SHISA9: variants seen among roughly 807,000 people sequenced by gnomAD.
The protein encoded by SHISA9 is shisa family member 9.
SHISA9 carries 13 observed loss-of-function variants against 38.0 expected under a neutral mutation model. The observed-to-expected ratio is 0.34, with a 90% CI of 0.22 to 0.54. SHISA9 has a LOEUF of 0.54. Ranked by LOEUF, SHISA9 falls within the 20% of genes least tolerant of loss-of-function variation. SHISA9 has a pLI of 0.91. For missense variants in SHISA9, 538 were observed against 575.8 expected, an observed-to-expected ratio of 0.93 and a Z score of 0.67; for synonymous variants, 275 against 242.0, an observed-to-expected ratio of 1.14 and a Z score of -1.27.
chr16:12,921,645 C>G lies in SHISA9; in HGVS notation c.691+4830C>G, dbSNP rs144592016. On this transcript the variant is annotated intron_variant, in intron 2 of 4. Coordinates refer to ENST00000558583, the MANE Select transcript of SHISA9 (RefSeq NM_001145204.3). ...AAGTAATTGGGCATGGTAGTTCACACCAGTAGTGACAGCTAGTTGGGAGGC... is the reference window on the plus strand; with the variant it reads ...AAGTAATTGGGCATGGTAGTTCACAGCAGTAGTGACAGCTAGTTGGGAGGC... Among the ~76,000 whole-genome samples the G allele has an allele frequency of 1.8e-4, 28 of 152,168 alleles. No homozygotes were observed. In the East Asian group the frequency reaches 5.2e-3, roughly 28 times the overall value.
chr16:12,977,733 C>T (rs1317716125), intron 2 of SHISA9, among the ~76,000 whole-genome samples: 1 of 151,920 alleles, frequency 6.6e-6, no homozygotes, highest in African/African-American at 2.4e-5. Flanking sequence ...AACCAAACAC[C>T]GCATGGTCTC....
the SHISA9 span, among the ~76,000 whole-genome samples, chr16:13,288,109 G>A: frequency 6.6e-6 from 1 of 152,122 alleles, no homozygotes; most frequent in South Asian, 2.1e-4. Flanking sequence ...GGTGGCCAAG[G>A]TGATAATGAC....
At chr16:13,402,230 A>G in the SHISA9 span, among the ~76,000 whole-genome samples, 1 of 152,198 alleles carries the variant, frequency 6.6e-6, no homozygotes, top group Admixed American at 6.5e-5. Context: ...TTGGAGAACC[A>G]GGAAGCCTTG....
Position 13,191,040 on chromosome 16 carries a change from G to A in SHISA9, c.692-12354G>A, listed in dbSNP as rs186722486. On this transcript the variant is annotated intron_variant, in intron 2 of 4. Coordinates refer to ENST00000558583, the MANE Select transcript of SHISA9 (RefSeq NM_001145204.3). Reference sequence around the variant, plus strand: ...CTATATTCTCTTTTGACAAATTCAGGGTAATTTTGAGTTGGATTGGATACT... The same window carrying A: ...CTATATTCTCTTTTGACAAATTCAGAGTAATTTTGAGTTGGATTGGATACT... Among the ~76,000 whole-genome samples, 22 of 151,980 alleles carry A rather than the reference G, an allele frequency of 1.4e-4. No individual in the cohort carries two copies. In the East Asian group the frequency reaches 4.3e-3, roughly 29 times the overall value.
At chr16:13,514,826 A>T in the SHISA9 span, among the ~76,000 whole-genome samples, 4 of 152,156 alleles carry the variant, frequency 2.6e-5, no homozygotes, top group Admixed American at 6.5e-5. Flanking sequence ...CCGCATCGAT[A>T]CACGTCGTAA....
the SHISA9 span, among the ~76,000 whole-genome samples, chr16:13,290,627 C>T: frequency 1.3e-3 from 195 of 152,180 alleles, no homozygotes; most frequent in Non-Finnish European, 1.7e-3. Flanking sequence ...ACAATGTTAC[C>T]CTTTACAAGA....
At chr16:12,922,598 C>A (rs539242981) in intron 2 of SHISA9, among the ~76,000 whole-genome samples, 1 of 152,356 alleles carries the variant, frequency 6.6e-6, no homozygotes, top group African/African-American at 2.4e-5. Context: ...TGGCTCATTG[C>A]GACCCCTGCC....
intron 2 of SHISA9, among the ~76,000 whole-genome samples, chr16:12,975,750 G>A (rs537921713): frequency 6.6e-6 from 1 of 151,624 alleles, no homozygotes; most frequent in East Asian, 2.0e-4. Context: ...TGGGAGGGGG[G>A]ACTGGAAAAA....
At chr16:13,082,568 G>C (rs1344180135) in intron 2 of SHISA9, 1 of 152,052 alleles carries the variant, frequency 6.6e-6, no homozygotes, top group Non-Finnish European at 1.5e-5. Context: ...TCTCTCATTG[G>C]CTTGAATGGG....
At chr16:13,274,092 C>G in the SHISA9 span, among the ~76,000 whole-genome samples, 6 of 152,114 alleles carry the variant, frequency 3.9e-5, no homozygotes, top group African/African-American at 1.4e-4. Context: ...AGACAAGTAT[C>G]CATAACACAT....
the SHISA9 span, among the ~76,000 whole-genome samples, chr16:13,466,076 C>G: frequency 6.6e-6 from 1 of 152,194 alleles, no homozygotes; most frequent in South Asian, 2.1e-4. Context: ...ACCATTACCC[C>G]TAGTGACCCA....
chr16:13,140,216 A>G (rs862507), intron 2 of SHISA9, among the ~76,000 whole-genome samples: 126,041 of 140,850 alleles, frequency 0.89, 56,597 homozygotes, highest in African/African-American at 0.97. Flanking sequence ...TTGCTCTGTT[A>G]CCCAGGCTGG....
chr16:13,433,574 G>C, the SHISA9 span, among the ~76,000 whole-genome samples: 2 of 152,180 alleles, frequency 1.3e-5, no homozygotes, highest in Non-Finnish European at 2.9e-5. Context: ...AATGGTTAAA[G>C]CAAGGATGCA....
At chr16:13,288,237 T>C in the SHISA9 span, among the ~76,000 whole-genome samples, 1 of 152,170 alleles carries the variant, frequency 6.6e-6, no homozygotes, top group Non-Finnish European at 1.5e-5. Context: ...GTCAGCTTAG[T>C]CTGCCATAAC....
the SHISA9 span, among the ~76,000 whole-genome samples, chr16:13,275,085 T>G: frequency 2.6e-5 from 4 of 152,158 alleles, no homozygotes; most frequent in African/African-American, 9.6e-5. Flanking sequence ...AGCTCTACCG[T>G]CTACCAGCTA....
At chr16:13,440,329 G>A in the SHISA9 span, among the ~76,000 whole-genome samples, 1 of 152,186 alleles carries the variant, frequency 6.6e-6, no homozygotes, top group African/African-American at 2.4e-5. Flanking sequence ...AGCCTCATCT[G>A]CTTTTCTCTT....
At chr16:13,505,544 A>G in the SHISA9 span, among the ~76,000 whole-genome samples, 1 of 152,234 alleles carries the variant, frequency 6.6e-6, no homozygotes, top group Non-Finnish European at 1.5e-5. Context: ...AATAATAGCA[A>G]TAGCAGTAAT....
At chr16:13,156,195 G>A (rs888245028) in intron 2 of SHISA9, among the ~76,000 whole-genome samples, 4 of 152,092 alleles carry the variant, frequency 2.6e-5, no homozygotes, top group Admixed American at 6.5e-5. Flanking sequence ...AGTCTGAGCC[G>A]GTGCTTACCT....
At chr16:13,494,065 G>A in the SHISA9 span, among the ~76,000 whole-genome samples, 1 of 152,210 alleles carries the variant, frequency 6.6e-6, no homozygotes, top group African/African-American at 2.4e-5. Flanking sequence ...TGCAAGATGT[G>A]AGAACTGAAG....
Sources: allele counts gnomAD v4.1 joint callset (sites outside exome capture counted in the v4.1 genomes callset), GRCh38; gene constraint gnomAD v4.1.1; transcripts MANE v1.5; gene names NCBI Gene and HGNC (gene_info 2026-07-23, HGNC 2026-07-21).